RBFOX1: variants seen among roughly 807,000 people sequenced by gnomAD.
RBFOX1 encodes RNA binding fox-1 homolog 1.
Under a neutral mutation model 57.7 loss-of-function variants are expected in RBFOX1, and 8 were observed. The ratio of observed to expected loss-of-function variants is 0.14; its 90% CI spans 0.08 to 0.25. RBFOX1 has a LOEUF of 0.25. RBFOX1 is among the 10% of genes least tolerant of loss of function. The probability of loss-of-function intolerance (pLI) is 1.00; values close to 1 mark genes in which losing one functional copy is unlikely to be tolerated. For missense variants in RBFOX1, 611 were observed against 548.5 expected (o/e 1.11, Z -1.14); for synonymous variants, 326 against 222.4 (o/e 1.47, Z -4.15).
intron 3 of RBFOX1, among the ~76,000 whole-genome samples, chr16:6,818,417 C>T (rs942404067): frequency 1.3e-5 from 2 of 151,964 alleles, no homozygotes; most frequent in Non-Finnish European, 2.9e-5. Context: ...ACGTACAGAT[C>T]CATGAGTGGC....
intron 2 of RBFOX1, among the ~76,000 whole-genome samples, chr16:5,536,952 A>G (rs751334385): frequency 6.6e-6 from 1 of 152,186 alleles, no homozygotes; most frequent in Non-Finnish European, 1.5e-5. Context: ...TTTTCTTTGC[A>G]CATAACTGCA....
intron 3 of RBFOX1, among the ~76,000 whole-genome samples, chr16:5,663,183 G>A (rs922298130): frequency 6.6e-6 from 1 of 152,102 alleles, no homozygotes; most frequent in East Asian, 1.9e-4. Context: ...CAAGAGTGTT[G>A]AGGTTGAGAA....
In RBFOX1 at chr16:7,458,109, C is replaced by T. The variant is rs537935341; in HGVS notation, c.28-60038C>T. The stretch of plus-strand genomic sequence containing the variant: ...TCAGAACAAAGCTTCCTGTTCTTTG[C>T]CGTATTCCAGTAAGTTGCCAACTCA... On this transcript the variant is annotated intron_variant, in intron 4 of 15. Transcript: ENST00000550418. Among the ~76,000 whole-genome samples, 299 of 152,288 alleles carry T rather than the reference C, an allele frequency of 2.0e-3. 3 individuals carry two copies. The highest frequency in any genetic ancestry group is 0.01 in the Middle Eastern group (3 of 294).
At chr16:5,790,204 G>A (rs372692725) in intron 3 of RBFOX1, among the ~76,000 whole-genome samples, 37 of 152,320 alleles carry the variant, frequency 2.4e-4, no homozygotes, top group Middle Eastern at 6.8e-3. Flanking sequence ...CTTCTTCCAC[G>A]CCCACATCAT....
intron 3 of RBFOX1, among the ~76,000 whole-genome samples, chr16:7,036,830 A>G (rs1182830066): frequency 6.6e-6 from 1 of 152,188 alleles, no homozygotes; most frequent in Non-Finnish European, 1.5e-5. Context: ...GTTCATAGAC[A>G]GAGTGGATGA....
intron 2 of RBFOX1, among the ~76,000 whole-genome samples, chr16:6,468,840 TA>T (rs1360685935): frequency 1.3e-5 from 2 of 152,124 alleles, no homozygotes; most frequent in African/African-American, 4.8e-5. Flanking sequence ...GTAACATAGG[TA>T]AACTTGTGTC....
intron 4 of RBFOX1, among the ~76,000 whole-genome samples, chr16:7,094,771 T>TGG (rs1555466456): frequency 6.4e-5 from 9 of 140,962 alleles, no homozygotes; most frequent in African/African-American, 2.2e-4. Context: ...TGTGTGTGTG[T>TGG]GTGTGGGTGT....
intron 1 of RBFOX1, among the ~76,000 whole-genome samples, chr16:5,418,671 C>T (rs1056337419): frequency 1.3e-5 from 2 of 152,144 alleles, no homozygotes; most frequent in Non-Finnish European, 2.9e-5. Flanking sequence ...TCCCTTCCCC[C>T]TTCTTTCCTC....
At chr16:6,400,465 T>A (rs2093024017) in intron 2 of RBFOX1, among the ~76,000 whole-genome samples, 1 of 152,196 alleles carries the variant, frequency 6.6e-6, no homozygotes, top group Non-Finnish European at 1.5e-5. Flanking sequence ...TAGCTATAGA[T>A]GCTGTAAATT....
chr16:7,435,568 C>T (rs1409974478), intron 4 of RBFOX1, among the ~76,000 whole-genome samples: 3 of 152,146 alleles, frequency 2.0e-5, no homozygotes, highest in East Asian at 1.9e-4. Context: ...CATCTACATC[C>T]ATGAGGCTTT....
At chr16:5,365,884 A>T (rs1290371528) in intron 1 of RBFOX1, 2 of 502,382 alleles carry the variant, frequency 4.0e-6, no homozygotes, top group African/African-American at 3.9e-5. Flanking sequence ...AAAGATGATC[A>T]CTTCAAGGTG....
chr16:7,453,091 T>G (rs2057710830), intron 4 of RBFOX1, among the ~76,000 whole-genome samples: 1 of 143,640 alleles, frequency 7.0e-6, no homozygotes. Context: ...ATCGCACCAC[T>G]GCACTCCAGG....
intron 2 of RBFOX1, among the ~76,000 whole-genome samples, chr16:5,561,659 A>G (rs967361354): frequency 1.3e-5 from 2 of 152,148 alleles, no homozygotes; most frequent in African/African-American, 4.8e-5. Flanking sequence ...ATTATTAATA[A>G]TATGACTTAA....
chr16:7,265,435 ATTTATTTATTTG>A (rs991570018), intron 4 of RBFOX1, among the ~76,000 whole-genome samples: 8 of 150,514 alleles, frequency 5.3e-5, no homozygotes, highest in South Asian at 2.1e-4. Flanking sequence ...TCCTTTATTC[ATTTATTTATTTG>A]TTTATTTATT....
chr16:6,029,917 A>G (rs528140515), intron 1 of RBFOX1, among the ~76,000 whole-genome samples: 11 of 151,982 alleles, frequency 7.2e-5, no homozygotes, highest in African/African-American at 2.2e-4. Flanking sequence ...TATGATTATT[A>G]TTGTTATTTT....
At chr16:7,414,677 A>G (rs2149198528) in intron 4 of RBFOX1, among the ~76,000 whole-genome samples, 2 of 152,070 alleles carry the variant, frequency 1.3e-5, no homozygotes, top group South Asian at 4.2e-4. Context: ...GAGTGTGGTG[A>G]TGCGATCTCA....
rs566881013 is a variant in RBFOX1, at chr16:6,895,387, G to A, written c.-15-156670G>A. 5.6e-4 allele frequency among the ~76,000 whole-genome samples: 80 copies of A among 143,526 alleles called. 1 individual carries two copies. The South Asian group carries it at 7.0e-3, about 13-fold the overall frequency. 94.2% of individuals were successfully genotyped at this position (143,526 alleles called of 152,430 possible). ...GAGAACTAACTGGTTTACCCTCTTC[G>A]TCTGCCTCAGCCACTAGTTGTTAGT... On this transcript the variant is annotated intron_variant, in intron 3 of 15. Coordinates refer to ENST00000550418, the MANE Select transcript of RBFOX1 (RefSeq NM_018723.4).
intron 2 of RBFOX1, among the ~76,000 whole-genome samples, chr16:5,531,714 A>G (rs919466189): frequency 1.3e-5 from 2 of 152,216 alleles, no homozygotes; most frequent in African/African-American, 2.4e-5. Flanking sequence ...GGCACATAGC[A>G]AGAGCCCATT....
At chr16:6,733,961 G>A (rs182000495) in intron 3 of RBFOX1, among the ~76,000 whole-genome samples, 2 of 152,208 alleles carry the variant, frequency 1.3e-5, no homozygotes, top group East Asian at 3.9e-4. Flanking sequence ...ATCTTTAAGG[G>A]TTGCCATAAA....
Sources: gnomAD v4.1 joint callset for allele counts (sites outside exome capture counted in the v4.1 genomes callset) on GRCh38, gnomAD v4.1.1 for gene constraint, MANE v1.5 for transcripts, NCBI Gene and HGNC (gene_info 2026-07-23, HGNC 2026-07-21) for gene names.